The following CTDP1 variants were observed in gnomAD, a reference collection of about 807,000 sequenced individuals.
CTDP1 encodes the protein RNA polymerase II subunit A C-terminal domain phosphatase.
A neutral mutation model predicts 91.8 loss-of-function variants in CTDP1; 47 were observed. That is an observed-to-expected ratio of 0.51 (90% CI 0.41 to 0.65). CTDP1 has a LOEUF of 0.65. Ranked by LOEUF, CTDP1 falls within the 30% of genes least tolerant of loss-of-function variation. The pLI is 0.00. For synonymous variants in CTDP1, 656 were observed against 598.5 expected (o/e 1.10, Z -1.40); for missense variants, 1,272 against 1,373.7 (o/e 0.93, Z 1.17).
At chr18:79,750,856 G>C (rs1313751998) in intron 12 of CTDP1, among the ~76,000 whole-genome samples, 1 of 151,656 alleles carries the variant, frequency 6.6e-6, no homozygotes, top group Non-Finnish European at 1.5e-5. Context: ...TTTTAAGAAA[G>C]GATCTCATGG....
intron 4 of CTDP1, among the ~76,000 whole-genome samples, 198 bp from the exon 5 acceptor site, chr18:79,704,569 G>A (rs2085926385): frequency 6.6e-6 from 1 of 152,216 alleles, no homozygotes; most frequent in Non-Finnish European, 1.5e-5. Context: ...TGGAGGGATG[G>A]GCACATGTGT....
intron 11 of CTDP1, among the ~76,000 whole-genome samples, chr18:79,735,110 G>A (rs1028013649): frequency 1.3e-5 from 2 of 152,202 alleles, no homozygotes; most frequent in East Asian, 1.9e-4. Context: ...ATTTCTGATC[G>A]AAGCGGCTTC....
chr18:79,727,653 C>A (rs559208284), intron 10 of CTDP1, among the ~76,000 whole-genome samples: 1 of 152,336 alleles, frequency 6.6e-6, no homozygotes, highest in African/African-American at 2.4e-5. Flanking sequence ...TAGTAAATAG[C>A]CTAACATGGT....
In CTDP1 at chr18:79,709,862, C is replaced by T. The variant is rs559058083; in HGVS notation, c.773-484C>T. Among the ~76,000 whole-genome samples, 5 of 152,334 alleles carry T rather than the reference C, an allele frequency of 3.3e-5. No individual in the cohort carries two copies. The South Asian group carries it at 1.0e-3, about 32-fold the overall frequency. On this transcript the variant is annotated intron_variant, in intron 5 of 12. Coordinates refer to ENST00000613122, the MANE Select transcript of CTDP1 (RefSeq NM_004715.5). The stretch of plus-strand genomic sequence containing the variant: ...TGGGAGAAGCAAACTTCCTTGATAA[C>T]CTTTCCTCCACTAACCATTACAGAT...
intron 10 of CTDP1, among the ~76,000 whole-genome samples, chr18:79,723,099 C>T (rs1343313481): frequency 6.6e-6 from 1 of 152,232 alleles, no homozygotes; most frequent in Non-Finnish European, 1.5e-5. Context: ...ATAAACGGGT[C>T]CAGCGTGGTC....
chr18:79,754,975 A>G (rs1339425450), downstream of CTDP1: 1 of 152,234 alleles, frequency 6.6e-6, no homozygotes, highest in Non-Finnish European at 1.5e-5. Context: ...TCCCCTGACC[A>G]CAGCTCGGGA....
At chr18:79,749,770 CTTGTT>C (rs1329121175) in intron 12 of CTDP1, 2 of 152,236 alleles carry the variant, frequency 1.3e-5, no homozygotes, top group African/African-American at 4.8e-5. Flanking sequence ...CTGTCTCTGT[CTTGTT>C]TTGTTTCAAG....
At chr18:79,733,740 T>A (rs998957622) in intron 11 of CTDP1, among the ~76,000 whole-genome samples, 10 of 152,194 alleles carry the variant, frequency 6.6e-5, no homozygotes, top group Non-Finnish European at 1.3e-4. Context: ...TCCTCTCTCT[T>A]GAAGCCGTCC....
chr18:79,735,067 C>T (rs1213997116), intron 11 of CTDP1, among the ~76,000 whole-genome samples: 4 of 152,148 alleles, frequency 2.6e-5, no homozygotes, highest in East Asian at 1.9e-4. Flanking sequence ...GTGGATGCGT[C>T]GGCCTCCATG....
intron 12 of CTDP1, among the ~76,000 whole-genome samples, chr18:79,748,972 A>AG (rs1477518260): frequency 6.6e-6 from 1 of 152,070 alleles, no homozygotes; most frequent in Non-Finnish European, 1.5e-5. Context: ...GCGGGAGCTG[A>AG]GGTGGTCCCT....
upstream of CTDP1, chr18:79,679,148 C>T (rs1325980211): frequency 3.3e-6 from 1 of 306,482 alleles, no homozygotes; most frequent in African/African-American, 2.4e-5. Context: ...CAACCAGGCG[C>T]TTCCGGGCGC....
Position 79,710,359 on chromosome 18 carries a change from C to G in CTDP1, c.786C>G (p.Pro262=). 6.2e-7 allele frequency: 1 copy of G among 1,613,592 alleles called. No homozygotes were observed. The change falls in exon 6 of 13, where the codon CCC becomes CCG. Residue 262 remains proline, a synonymous_variant. Coordinates refer to ENST00000613122, the MANE Select transcript of CTDP1 (RefSeq NM_004715.5). ...YAHTIAGFLD[P]EKKLFSHRIL... Reference sequence around the variant, plus strand: ...TTCTTTTCCAAGGCTTTTTAGACCCCGAGAAGAAGCTTTTTTCTCACCGAA... The same window carrying G: ...TTCTTTTCCAAGGCTTTTTAGACCCGGAGAAGAAGCTTTTTTCTCACCGAA...
At chr18:79,725,908 G>A (rs909946139) in intron 10 of CTDP1, among the ~76,000 whole-genome samples, 4 of 152,204 alleles carry the variant, frequency 2.6e-5, no homozygotes, top group Non-Finnish European at 5.9e-5. Context: ...TTTTCCTGTA[G>A]GTAAGCTGTG....
chr18:79,748,166 A>G (rs1000049985), intron 12 of CTDP1, among the ~76,000 whole-genome samples: 1 of 152,204 alleles, frequency 6.6e-6, no homozygotes, highest in Non-Finnish European at 1.5e-5. Flanking sequence ...AGTTGCGGAC[A>G]TTTACTAACC....
At chr18:79,704,711 G>C in intron 4 of CTDP1, 56 bp from the exon 5 acceptor site, 1 of 1,607,056 alleles carries the variant, frequency 6.2e-7, no homozygotes, top group Non-Finnish European at 8.5e-7. Context: ...CAGGTTGCGG[G>C]GGCGGCCGGG....
intron 4 of CTDP1, among the ~76,000 whole-genome samples, chr18:79,698,616 C>T (rs2085795995): frequency 6.6e-6 from 1 of 152,196 alleles, no homozygotes; most frequent in South Asian, 2.1e-4. Flanking sequence ...TGCCCAGAGG[C>T]TTGCGCAGAG....
At chr18:79,680,297 C>T (rs2085332955) in intron 1 of CTDP1, 36 bp downstream of exon 1, 1 of 1,239,866 alleles carries the variant, frequency 8.1e-7, no homozygotes. Context: ...CGAGGGCGGG[C>T]GGCTCCGGGG....
At position 79,710,446 on chromosome 18, in the gene CTDP1, C is replaced by T. The variant is rs375464090; in HGVS notation, c.863+10C>T. ...AAACGGGAAACCTTAGGTATGTACC[C>T]AGCCGCGCTCCTCACAAAGACCTCG... On this transcript the variant is annotated intron_variant, in intron 6 of 12. Coordinates refer to ENST00000613122, the MANE Select transcript of CTDP1 (RefSeq NM_004715.5). 338 of 1,587,790 alleles carry T rather than the reference C, an allele frequency of 2.1e-4. No homozygotes were observed. In the African/African-American group the frequency reaches 3.4e-3, roughly 16 times the overall value.
At chr18:79,693,586 G>A (rs1453025457) in intron 1 of CTDP1, among the ~76,000 whole-genome samples, 8 of 152,128 alleles carry the variant, frequency 5.3e-5, no homozygotes, top group African/African-American at 9.7e-5. Flanking sequence ...GTGAGTAAAC[G>A]CGGAATCCAT....
Sources: gnomAD v4.1 joint callset for allele counts (sites outside exome capture counted in the v4.1 genomes callset) on GRCh38, gnomAD v4.1.1 for gene constraint, MANE v1.5 for transcripts, NCBI Gene and HGNC (gene_info 2026-07-23, HGNC 2026-07-21) for gene names.